TNS3: variants seen among roughly 807,000 people sequenced by gnomAD.
The protein encoded by TNS3 is tensin-3.
In TNS3, 45 loss-of-function variants were observed where a neutral mutation model predicts 140.9. That is an observed-to-expected ratio of 0.32 (90% CI 0.25 to 0.41). The LOEUF is 0.41. Among genes scored for constraint, TNS3 ranks in the 10% least tolerant of loss-of-function variants. The pLI, the probability that TNS3 is intolerant of heterozygous loss-of-function variation, is 1.00. For missense variants in TNS3, 1,716 were observed against 1,906.7 expected (o/e 0.90, Z 1.86); for synonymous variants, 815 against 788.4 (o/e 1.03, Z -0.56).
chr7:47,341,071 C>G (rs186796814), intron 20 of TNS3, among the ~76,000 whole-genome samples: 3 of 152,134 alleles, frequency 2.0e-5, no homozygotes, highest in Non-Finnish European at 2.9e-5. Context: ...ACTAAACCAG[C>G]CTTGCATCTC....
chr7:47,323,377 C>T (rs1267612547), intron 20 of TNS3, among the ~76,000 whole-genome samples: 1 of 152,116 alleles, frequency 6.6e-6, no homozygotes, highest in East Asian at 1.9e-4. Context: ...GCAGAAATAC[C>T]ATTCAGGAAT....
rs1463090623 is a variant in TNS3, at chr7:47,407,207, G to A, written c.723+4520C>T. On this transcript the variant is annotated intron_variant, in intron 13 of 30. Transcript: ENST00000311160. This position sits in a 1 kb window ranked among gnomAD's most constrained non-coding sequence, Gnocchi z 4.1. Reference sequence around the variant, plus strand: ...CGACTCTGATGGGAGTGCTGGCAGTGACACCCTGGGTTTCTACTCTCCAGG... The same window carrying A: ...CGACTCTGATGGGAGTGCTGGCAGTAACACCCTGGGTTTCTACTCTCCAGG... Among the ~76,000 whole-genome samples, 1 of 152,188 alleles carries A rather than the reference G, an allele frequency of 6.6e-6. No individual in the cohort carries two copies.
intron 1 of TNS3, among the ~76,000 whole-genome samples, chr7:47,555,257 C>T (rs1313936959): frequency 2.0e-5 from 3 of 149,226 alleles, no homozygotes; most frequent in African/African-American, 7.4e-5. Flanking sequence ...CAAAACTAGC[C>T]GGGTGTGGTG....
rs542410505 is a variant in TNS3, at chr7:47,278,041, G to A, written c.*35C>T. ...CCAACGGCTGTCTCCAGGGCTTCGA[G>A]AGGCATCGGTGGGTCCAGGGAGGGA... is the stretch of plus-strand genomic sequence containing the variant. On this transcript the variant is annotated 3_prime_UTR_variant, in exon 31 of 31. Transcript: ENST00000311160. 1.2e-6 allele frequency: 2 copies of A among 1,613,864 alleles called. No individual in the cohort carries two copies. Among genetic ancestry groups the A allele is most frequent in the South Asian group, 1.1e-5 (1 of 91,000 alleles).
chr7:47,307,958 T>A (rs1376236602), intron 20 of TNS3, among the ~76,000 whole-genome samples: 1 of 152,182 alleles, frequency 6.6e-6, no homozygotes, highest in Non-Finnish European at 1.5e-5. Flanking sequence ...TAAGTCCAGT[T>A]TATCAATTTG....
intron 3 of TNS3, among the ~76,000 whole-genome samples, chr7:47,499,573 G>A (rs1477863951): frequency 2.0e-5 from 3 of 152,138 alleles, no homozygotes; most frequent in Non-Finnish European, 4.4e-5. Flanking sequence ...AAATGACAGG[G>A]AAGAAATTTA....
intron 20 of TNS3, among the ~76,000 whole-genome samples, chr7:47,331,683 T>C (rs1298079809): frequency 6.6e-6 from 1 of 152,246 alleles, no homozygotes; most frequent in East Asian, 1.9e-4. Flanking sequence ...AACTTGTTCA[T>C]TTGCTCTTTC....
intron 23 of TNS3, among the ~76,000 whole-genome samples, chr7:47,300,304 T>A (rs1786319506): frequency 6.6e-6 from 1 of 152,166 alleles, no homozygotes; most frequent in Non-Finnish European, 1.5e-5. Context: ...AGTTATCCTT[T>A]TAGAGCTCAG....
At chr7:47,546,038 T>C (rs1275645337) in intron 1 of TNS3, among the ~76,000 whole-genome samples, 2 of 152,176 alleles carry the variant, frequency 1.3e-5, no homozygotes, top group Non-Finnish European at 2.9e-5. Context: ...GATCTGGGGA[T>C]AGAGGCAGGT....
intron 4 of TNS3, among the ~76,000 whole-genome samples, chr7:47,464,721 G>C (rs994147570): frequency 1.3e-5 from 2 of 152,154 alleles, no homozygotes; most frequent in Non-Finnish European, 2.9e-5. Flanking sequence ...TAAAATATTT[G>C]TGCATCAGTG....
In TNS3 at chr7:47,424,108, G is replaced by T; in HGVS notation, c.466C>A (p.Gln156Lys). Residue 156 changes from glutamine (Q) to lysine (K), a missense_variant, in exon 10 of 31, where the codon CAA becomes AAA. Transcript: ENST00000311160. ...TTGGGGATCTATACATACCGTTTTT[G>T]GGAAGGCTGCATTAAAGCTGAAACT... ...DKVSALMQPSQKRYVQFLSGL... is the reference protein window; with the variant it reads ...DKVSALMQPSKKRYVQFLSGL... 6.2e-7 allele frequency: 1 copy of T among 1,614,064 alleles called. No homozygotes were observed. Among genetic ancestry groups the T allele is most frequent in the South Asian group, 1.1e-5 (1 of 91,052 alleles).
intron 4 of TNS3, among the ~76,000 whole-genome samples, chr7:47,465,283 T>G (rs1252684890): frequency 1.3e-5 from 2 of 152,176 alleles, no homozygotes; most frequent in African/African-American, 4.8e-5. Context: ...AACGGCTCAA[T>G]GCCACACAGG....
At chr7:47,564,947 G>C (rs73099511) in intron 1 of TNS3, among the ~76,000 whole-genome samples, 2,872 of 152,092 alleles carry the variant, frequency 0.019, 68 homozygotes, top group East Asian at 0.094. Context: ...GGAACTCCTC[G>C]TTGTAAGAAA....
At chr7:47,481,331 TCC>T (rs1389745720) in intron 3 of TNS3, 190 bp from the exon 4 acceptor site, 1 of 378,326 alleles carries the variant, frequency 2.6e-6, no homozygotes, top group Non-Finnish European at 4.7e-6. Context: ...TTTTGGAAAG[TCC>T]CTGTCATTTT....
At position 47,411,720 on chromosome 7, in the gene TNS3, C is replaced by A; in HGVS notation, c.723+7G>T. On this transcript the variant is annotated splice_region_variant and intron_variant, in intron 13 of 30. Transcript: ENST00000311160. Reference sequence around the variant, plus strand: ...CCAACCCATCTGCGGCCACAGCGGGCACTCACCATGACATCTCCCTTCAGA... The same window carrying A: ...CCAACCCATCTGCGGCCACAGCGGGAACTCACCATGACATCTCCCTTCAGA... 1 of 1,608,846 alleles carries A rather than the reference C, an allele frequency of 6.2e-7. No individual in the cohort carries two copies. Among genetic ancestry groups the A allele is most frequent in the South Asian group, 1.1e-5 (1 of 89,738 alleles).
chr7:47,579,693 G>T, intron 1 of TNS3: 1 of 243,660 alleles, frequency 4.1e-6, no homozygotes. Context: ...TAGAGTCAGA[G>T]AACTGGGCTC....
chr7:47,436,808 A>G (rs1459546491), intron 7 of TNS3, among the ~76,000 whole-genome samples: 1 of 152,182 alleles, frequency 6.6e-6, no homozygotes, highest in Non-Finnish European at 1.5e-5. Flanking sequence ...CCATGCATAT[A>G]TATATGCAGT....
At chr7:47,287,497 T>C (rs1562760195) in intron 27 of TNS3, among the ~76,000 whole-genome samples, 1 of 152,216 alleles carries the variant, frequency 6.6e-6, no homozygotes, top group Non-Finnish European at 1.5e-5. Flanking sequence ...GGACAACAGA[T>C]GAAGTTCAGT....
At chr7:47,477,156 G>A (rs986733868) in intron 4 of TNS3, among the ~76,000 whole-genome samples, 5 of 152,188 alleles carry the variant, frequency 3.3e-5, no homozygotes, top group African/African-American at 1.2e-4. Context: ...ATGTCGGTAA[G>A]TATGGCTGGC....
Sources: allele counts gnomAD v4.1 joint callset (sites outside exome capture counted in the v4.1 genomes callset), GRCh38; gene constraint gnomAD v4.1.1; non-coding constraint Gnocchi (gnomAD v3.1); transcripts MANE v1.5; gene names NCBI Gene and HGNC (gene_info 2026-07-23, HGNC 2026-07-21).